The following SLC9A1 variants were observed in gnomAD, a reference collection of about 807,000 sequenced individuals.
The protein encoded by SLC9A1 is sodium/hydrogen exchanger 1.
A neutral mutation model predicts 67.9 loss-of-function variants in SLC9A1; 22 were observed. The ratio of observed to expected loss-of-function variants is 0.32; its 90% CI spans 0.23 to 0.46. The LOEUF is 0.46. Ranked by LOEUF, SLC9A1 falls within the 20% of genes least tolerant of loss-of-function variation. SLC9A1 has a pLI of 1.00. For missense variants in SLC9A1, 686 were observed against 1,094.8 expected (o/e 0.63, Z 5.27); for synonymous variants, 421 against 471.8 (o/e 0.89, Z 1.40).
In SLC9A1 at chr1:27,154,095, A is replaced by T. The variant is rs781272622; in HGVS notation, c.240T>A (p.Asp80Glu). The T allele has an allele frequency of 3.1e-6, 5 of 1,613,884 alleles. No individual in the cohort carries two copies. Among genetic ancestry groups the T allele is most frequent in the Non-Finnish European group, 4.2e-6 (5 of 1,179,960 alleles). The change falls in exon 1 of 12, where the codon GAT (aspartate) becomes GAA (glutamate). Residue 80 changes from aspartate to glutamate, a missense_variant. Around this residue, in one of 7 missense-constraint regions of SLC9A1, gnomAD observed 143 missense variants for 166.7 expected, o/e 0.86. Coordinates refer to ENST00000263980, the MANE Select transcript of SLC9A1 (RefSeq NM_003047.5). Reference sequence around the variant, plus strand: ...AGGCCTTGCGCGGCTTCATGCCATGATCAGTGACGGAATGATTAACAGGGC... The same window carrying T: ...AGGCCTTGCGCGGCTTCATGCCATGTTCAGTGACGGAATGATTAACAGGGC... Reference protein sequence around the residue: ...ESRPVNHSVTDHGMKPRKAFP... With the variant: ...ESRPVNHSVTEHGMKPRKAFP...
At chr1:27,124,379 C>CAGTT (rs2083326660) in intron 1 of SLC9A1, among the ~76,000 whole-genome samples, 1 of 152,144 alleles carries the variant, frequency 6.6e-6, no homozygotes, top group South Asian at 2.1e-4. Flanking sequence ...AGTTGAAAGT[C>CAGTT]AGTTAGCTTA....
chr1:27,104,334 G>A (rs1032572285), intron 5 of SLC9A1, among the ~76,000 whole-genome samples: 6 of 151,922 alleles, frequency 3.9e-5, no homozygotes, highest in African/African-American at 1.2e-4. Context: ...CGCCTGCCTC[G>A]GCCTCCCAAA....
At chr1:27,102,175 C>G (rs1267989090) in intron 8 of SLC9A1, 45 bp from the exon 9 acceptor site, 1 of 1,520,818 alleles carries the variant, frequency 6.6e-7, no homozygotes, top group East Asian at 2.3e-5. Flanking sequence ...TTCTTGGGAT[C>G]CTGGTGCCTC....
chr1:27,103,710 A>ACAG (rs899509658), intron 5 of SLC9A1: 2 of 240,456 alleles, frequency 8.3e-6, no homozygotes, highest in African/African-American at 4.4e-5. Flanking sequence ...CCGAGTAATA[A>ACAG]CAGCAGCAGC....
chr1:27,105,299 CTCTT>C (rs1480427069), intron 5 of SLC9A1, among the ~76,000 whole-genome samples: 4 of 152,198 alleles, frequency 2.6e-5, no homozygotes, highest in South Asian at 2.1e-4. Flanking sequence ...CCACTTCTCT[CTCTT>C]TTTCTTTTTT....
intron 1 of SLC9A1, among the ~76,000 whole-genome samples, chr1:27,138,024 T>A (rs2083430422): frequency 6.6e-6 from 1 of 152,126 alleles, no homozygotes; most frequent in Admixed American, 6.5e-5. Context: ...GGACACTGAG[T>A]GGGGCCAGCC....
rs1202607495 is a variant in SLC9A1, at chr1:27,099,771, TG to T, written c.*535del. 1 of 153,126 alleles carries T rather than the reference TG, an allele frequency of 6.5e-6. No homozygotes were observed. Among genetic ancestry groups the T allele is most frequent in the Non-Finnish European group, 1.5e-5 (1 of 68,588 alleles). 9.5% of individuals were successfully genotyped at this position (153,126 alleles called of 1,614,324 possible). A position where few individuals can be genotyped will look rare whatever the true frequency, so the allele number is the denominator to read the frequency against. On this transcript the variant is annotated 3_prime_UTR_variant, in exon 12 of 12. Transcript: ENST00000263980. ...CCCGCAGCTCTGAGTAAGGACAGGT[TG>T]GGTGGTGGCCAGGGTGACAGAGCTG...
chr1:27,112,326 T>A (rs1238751401), intron 2 of SLC9A1, among the ~76,000 whole-genome samples: 1 of 152,156 alleles, frequency 6.6e-6, no homozygotes, highest in Admixed American at 6.5e-5. Context: ...AGGTGCTGCT[T>A]CCTGAAGGCT....
At chr1:27,103,173 T>C in intron 6 of SLC9A1, 50 bp downstream of exon 6, 1 of 1,334,922 alleles carries the variant, frequency 7.5e-7, no homozygotes, top group Non-Finnish European at 1.1e-6. Context: ...CTGCTCCCTA[T>C]CTCCCTGTTC....
intron 1 of SLC9A1, among the ~76,000 whole-genome samples, chr1:27,124,284 G>T (rs564899291): frequency 1.2e-4 from 19 of 152,122 alleles, no homozygotes; most frequent in Admixed American, 3.3e-4. Context: ...CTTTGCTGGG[G>T]GTACAGTAGA....
In SLC9A1 at chr1:27,106,235, G is replaced by GGAGTTC; in HGVS notation, c.1283-149_1283-148insGAACTC. ...CTCAATTCCTGGGTCCCTCAGCCCA[G>GGAGTTC]AGTGCTCTGAACTCCTCAATCCAAG... is the stretch of plus-strand genomic sequence containing the variant. On this transcript the variant is annotated intron_variant, in intron 4 of 11. Transcript: ENST00000263980. This position sits in a 1 kb window ranked among gnomAD's most constrained non-coding sequence, Gnocchi z 4.3. 1.6e-6 allele frequency: 1 copy of GGAGTTC among 634,228 alleles called. No individual in the cohort carries two copies. Among genetic ancestry groups the GGAGTTC allele is most frequent in the Non-Finnish European group, 2.8e-6 (1 of 353,680 alleles). The allele number at this position is 634,228 out of a possible 1,614,324, so 39.3% of individuals were successfully genotyped here.
At chr1:27,117,439 C>T (rs1376321039) in intron 1 of SLC9A1, among the ~76,000 whole-genome samples, 3 of 152,174 alleles carry the variant, frequency 2.0e-5, no homozygotes, top group Non-Finnish European at 2.9e-5. Flanking sequence ...CCTAAGGGGT[C>T]GGGCTCTAAA....
In SLC9A1 at chr1:27,123,291, C is replaced by T. The variant is rs113448752; in HGVS notation, c.353-9005G>A. Among the ~76,000 whole-genome samples, 514 of 152,230 alleles carry T rather than the reference C, an allele frequency of 3.4e-3. 4 individuals are homozygous for T. Among genetic ancestry groups the T allele is most frequent in the African/African-American group, 0.012 (481 of 41,530 alleles). ...TTTTACCAACTATACCAGTCTCCCC[C>T]ACAACCGAATTTCTGTTAAGTTTGG... is the stretch of plus-strand genomic sequence containing the variant. On this transcript the variant is annotated intron_variant, in intron 1 of 11. Coordinates refer to ENST00000263980, the MANE Select transcript of SLC9A1 (RefSeq NM_003047.5).
In SLC9A1 at chr1:27,116,884, T is replaced by C. The variant is rs1027335692; in HGVS notation, c.353-2598A>G. On this transcript the variant is annotated intron_variant, in intron 1 of 11. Coordinates refer to ENST00000263980, the MANE Select transcript of SLC9A1 (RefSeq NM_003047.5). ...CCACATCCTCTTTTGCCTGCCAATCTTCACCTAGTCTAGTTCCTCTCTCTA... is the reference window on the plus strand; with the variant it reads ...CCACATCCTCTTTTGCCTGCCAATCCTCACCTAGTCTAGTTCCTCTCTCTA... Among the ~76,000 whole-genome samples, 14 of 152,254 alleles carry C rather than the reference T, an allele frequency of 9.2e-5. No homozygotes were observed. In the South Asian group the frequency reaches 2.1e-3, roughly 23 times the overall value.
intron 1 of SLC9A1, among the ~76,000 whole-genome samples, chr1:27,126,434 G>A (rs536248296): frequency 6.6e-6 from 1 of 152,290 alleles, no homozygotes; most frequent in East Asian, 1.9e-4. Flanking sequence ...ACAAGATGTT[G>A]TCGGGGGGGT....
At position 27,101,580 on chromosome 1, in the gene SLC9A1, C is replaced by T; in HGVS notation, c.2037+145G>A. ...CCCCACGCCAATCCCTTGCTTAGAA[C>T]TCATGGCTCTCCATGCCCTTACACT... On this transcript the variant is annotated intron_variant, in intron 10 of 11. Transcript: ENST00000263980. This position sits in a 1 kb window ranked among gnomAD's most constrained non-coding sequence, Gnocchi z 4.9. 3 of 671,042 alleles carry T rather than the reference C, an allele frequency of 4.5e-6. No individual in the cohort carries two copies. Among genetic ancestry groups the T allele is most frequent in the Admixed American group, 2.3e-5 (1 of 43,624 alleles). The allele number at this position is 671,042 out of a possible 1,614,324, so 41.6% of individuals were successfully genotyped here. A position where few individuals can be genotyped will look rare whatever the true frequency, so the allele number is the denominator to read the frequency against.
chr1:27,131,951 T>TAAAAAAAAAAAAAAAAA (rs1557428227), intron 1 of SLC9A1, among the ~76,000 whole-genome samples: 7 of 35,098 alleles, frequency 2.0e-4, no homozygotes, highest in African/African-American at 5.7e-4. Context: ...AAAAAAAATA[T>TAAAAAAAAAAAAAAAAA]ATATATATAT....
At chr1:27,136,280 C>T (rs2083420072) in intron 1 of SLC9A1, among the ~76,000 whole-genome samples, 9 of 152,244 alleles carry the variant, frequency 5.9e-5, no homozygotes, top group Admixed American at 5.9e-4. Flanking sequence ...GTCCACGACT[C>T]AAGCTCTGGG....
At chr1:27,102,599 G>C (rs770952243) in intron 7 of SLC9A1, 41 bp from the exon 8 acceptor site, 7 of 1,611,510 alleles carry the variant, frequency 4.3e-6, no homozygotes, top group African/African-American at 4.0e-5. Context: ...CCAGCTTCCA[G>C]GAGTGGGGAG....
Sources: allele counts gnomAD v4.1 joint callset (sites outside exome capture counted in the v4.1 genomes callset), GRCh38; gene constraint gnomAD v4.1.1; regional missense constraint gnomAD v4.1.1; non-coding constraint Gnocchi (gnomAD v3.1); transcripts MANE v1.5; gene names NCBI Gene and HGNC (gene_info 2026-07-23, HGNC 2026-07-21).